Variants in KCNJ3 observed in about 807,000 individuals in gnomAD.
KCNJ3 encodes G protein-activated inward rectifier potassium channel 1.
In KCNJ3, 4 loss-of-function variants were observed where a neutral mutation model predicts 39.2. The ratio of observed to expected loss-of-function variants is 0.10; its 90% CI spans 0.05 to 0.23. KCNJ3 has a LOEUF of 0.23. Ranked by LOEUF, KCNJ3 falls within the 10% of genes least tolerant of loss-of-function variation. The pLI is 1.00. For missense variants in KCNJ3, 276 were observed against 634.9 expected (o/e 0.43, Z 6.08); for synonymous variants, 230 against 237.4 (o/e 0.97, Z 0.29).
At chr2:154,732,533 C>T (rs1685464403) in intron 2 of KCNJ3, among the ~76,000 whole-genome samples, 5 of 152,036 alleles carry the variant, frequency 3.3e-5, no homozygotes, top group Admixed American at 3.3e-4. Flanking sequence ...CATTGTATTA[C>T]CACTCAGTTT....
chr2:154,834,015 C>T (rs1025431328), intron 2 of KCNJ3, among the ~76,000 whole-genome samples: 1 of 152,102 alleles, frequency 6.6e-6, no homozygotes, highest in Non-Finnish European at 1.5e-5. Flanking sequence ...TTTGCATGGA[C>T]ATAACTGTCC....
chr2:154,845,115 C>A (rs1687643989), intron 2 of KCNJ3, among the ~76,000 whole-genome samples: 1 of 152,212 alleles, frequency 6.6e-6, no homozygotes, highest in Middle Eastern at 3.4e-3. Context: ...TTCTATTTTT[C>A]TTTTGAAAAA....
At chr2:154,706,011 T>A (rs1411338198) in intron 1 of KCNJ3, among the ~76,000 whole-genome samples, 1 of 152,162 alleles carries the variant, frequency 6.6e-6, no homozygotes, top group African/African-American at 2.4e-5. Context: ...TTCACTTTCT[T>A]TAAACTTCTT....
chr2:154,825,167 TC>T (rs1687247799), intron 2 of KCNJ3, among the ~76,000 whole-genome samples: 2 of 152,298 alleles, frequency 1.3e-5, no homozygotes, highest in South Asian at 4.1e-4. Flanking sequence ...ACAGTCTTCC[TC>T]CCAACTTACC....
In KCNJ3 at chr2:154,856,730, T is replaced by C. The variant is rs1687844887; in HGVS notation, c.*1417T>C. ...TTAACAGTACTGTTTTTTCTAATCC[T>C]GAAGTCTGATATTTATGACTCATTA... On this transcript the variant is annotated 3_prime_UTR_variant, in exon 3 of 3. Coordinates refer to ENST00000295101, the MANE Select transcript of KCNJ3 (RefSeq NM_002239.4). 1.3e-5 allele frequency: 2 copies of C among 152,278 alleles called. No homozygotes were observed. The highest frequency in any genetic ancestry group is 2.1e-4 in the South Asian group (1 of 4,828). 9.4% of individuals were successfully genotyped at this position (152,278 alleles called of 1,614,324 possible).
intron 2 of KCNJ3, among the ~76,000 whole-genome samples, chr2:154,793,458 G>T (rs1164181946): frequency 6.6e-6 from 1 of 152,002 alleles, no homozygotes; most frequent in Non-Finnish European, 1.5e-5. Context: ...CCCACTGTAT[G>T]AGTGGTCTTC....
Position 154,739,496 on chromosome 2 carries a change from C to G in KCNJ3, c.919+29677C>G, listed in dbSNP as rs111751368. On this transcript the variant is annotated intron_variant, in intron 2 of 2. Transcript: ENST00000295101. ...TTCTCGTCTTTCTCCTGTCATTTGC[C>G]TTCCTTATTACCACTTGGGGAAGGA... Among the ~76,000 whole-genome samples the G allele has an allele frequency of 9.4e-3, 1,427 of 152,074 alleles. 17 individuals are homozygous for G. Among genetic ancestry groups the G allele is most frequent in the African/African-American group, 0.033 (1,353 of 41,516 alleles).
chr2:154,814,623 G>A (rs952449500), intron 2 of KCNJ3, among the ~76,000 whole-genome samples: 1 of 151,914 alleles, frequency 6.6e-6, no homozygotes, highest in Non-Finnish European at 1.5e-5. Context: ...GGCAACAAGA[G>A]CAAGACTCCG....
chr2:154,773,749 G>C (rs1193565106), intron 2 of KCNJ3, among the ~76,000 whole-genome samples: 1 of 152,058 alleles, frequency 6.6e-6, no homozygotes, highest in Non-Finnish European at 1.5e-5. Flanking sequence ...TTATTAAATT[G>C]ATTGAATGTC....
At chr2:154,828,494 G>A (rs1687307286) in intron 2 of KCNJ3, among the ~76,000 whole-genome samples, 1 of 152,152 alleles carries the variant, frequency 6.6e-6, no homozygotes, top group South Asian at 2.1e-4. Flanking sequence ...GAATTTTTGG[G>A]TGGTGCTTTG....
At chr2:154,834,670 A>AGTGAGCCGG (rs1687419210) in intron 2 of KCNJ3, among the ~76,000 whole-genome samples, 1 of 82,934 alleles carries the variant, frequency 1.2e-5, no homozygotes, top group African/African-American at 3.4e-5. Context: ...CGGAGCTTAC[A>AGTGAGCCGG]GTGAGCCGAG....
At chr2:154,745,887 C>A (rs62170796) in intron 2 of KCNJ3, among the ~76,000 whole-genome samples, 33,892 of 151,812 alleles carry the variant, frequency 0.22, 4,860 homozygotes, top group Non-Finnish European at 0.32. Flanking sequence ...GATTCCCACT[C>A]AGCCGTCATT....
chr2:154,845,088 C>G (rs2105133682), intron 2 of KCNJ3, among the ~76,000 whole-genome samples: 1 of 152,208 alleles, frequency 6.6e-6, no homozygotes, highest in South Asian at 2.1e-4. Flanking sequence ...TTTGGAATGC[C>G]TTAAGCTAGA....
At chr2:154,709,887 C>A in intron 2 of KCNJ3, 68 bp downstream of exon 2, 2 of 1,551,198 alleles carry the variant, frequency 1.3e-6, no homozygotes, top group Non-Finnish European at 1.7e-6. Context: ...ATGCACAATA[C>A]CTGTCATGAA....
intron 1 of KCNJ3, among the ~76,000 whole-genome samples, chr2:154,702,170 A>G (rs1684911121): frequency 1.3e-5 from 2 of 151,972 alleles, no homozygotes; most frequent in African/African-American, 4.8e-5. Context: ...TATTACACAC[A>G]ATTTCCCCCT....
intron 2 of KCNJ3, among the ~76,000 whole-genome samples, chr2:154,711,287 T>G (rs970574540): frequency 6.6e-6 from 1 of 152,106 alleles, no homozygotes; most frequent in African/African-American, 2.4e-5. Flanking sequence ...TCTCATTTAT[T>G]AAAGTAGTAA....
At chr2:154,755,924 A>G (rs529786297) in intron 2 of KCNJ3, among the ~76,000 whole-genome samples, 1 of 152,200 alleles carries the variant, frequency 6.6e-6, no homozygotes, top group African/African-American at 2.4e-5. Flanking sequence ...GTTAATAGAG[A>G]TAAAACTGTC....
At position 154,794,281 on chromosome 2, in the gene KCNJ3, G is replaced by A. The variant is rs949118222; in HGVS notation, c.920-60446G>A. Reference sequence around the variant, plus strand: ...TTTCCTTTAAGAGAAATGATTTTACGTTAAAACTTTTATTCTTATTCAGTA... The same window carrying A: ...TTTCCTTTAAGAGAAATGATTTTACATTAAAACTTTTATTCTTATTCAGTA... On this transcript the variant is annotated intron_variant, in intron 2 of 2. Transcript: ENST00000295101. Among the ~76,000 whole-genome samples the A allele has an allele frequency of 4.0e-5, 6 of 151,692 alleles. No homozygotes were observed. The East Asian group carries it at 7.7e-4, about 20-fold the overall frequency.
intron 2 of KCNJ3, among the ~76,000 whole-genome samples, chr2:154,807,335 T>C (rs980661122): frequency 2.0e-5 from 3 of 152,182 alleles, no homozygotes; most frequent in Non-Finnish European, 4.4e-5. Flanking sequence ...AGTACAATCT[T>C]GGTGACACAC....
Sources: allele counts gnomAD v4.1 joint callset (sites outside exome capture counted in the v4.1 genomes callset), GRCh38; gene constraint gnomAD v4.1.1; transcripts MANE v1.5; gene names NCBI Gene and HGNC (gene_info 2026-07-23, HGNC 2026-07-21).